The following SHISA6 variants were observed in gnomAD, a reference collection of about 807,000 sequenced individuals.
The protein encoded by SHISA6 is shisa family member 6.
Under a neutral mutation model 47.9 loss-of-function variants are expected in SHISA6, and 22 were observed. The observed-to-expected ratio is 0.46, with a 90% CI of 0.33 to 0.66. The LOEUF (loss-of-function observed/expected upper bound fraction) is 0.66. Ranked by LOEUF, SHISA6 falls within the 30% of genes least tolerant of loss-of-function variation. The pLI is 0.02. For missense variants in SHISA6, 680 were observed against 764.6 expected, an observed-to-expected ratio of 0.89 and a Z score of 1.30; for synonymous variants, 388 against 337.8, an observed-to-expected ratio of 1.15 and a Z score of -1.63.
intron 2 of SHISA6, among the ~76,000 whole-genome samples, chr17:11,276,183 G>T (rs559902143): frequency 4.7e-4 from 72 of 152,062 alleles, no homozygotes; most frequent in African/African-American, 1.5e-3. Flanking sequence ...TCACCATGTC[G>T]ACCAGGCTGG....
intron 2 of SHISA6, among the ~76,000 whole-genome samples, chr17:11,271,482 G>C (rs1216514274): frequency 6.6e-6 from 1 of 152,028 alleles, no homozygotes; most frequent in Non-Finnish European, 1.5e-5. Flanking sequence ...TTGTCACCCA[G>C]GCTGGAGTGC....
At position 11,430,089 on chromosome 17, in the gene SHISA6, C is replaced by A. The variant is rs563365132; in HGVS notation, c.895+50580C>A. On this transcript the variant is annotated intron_variant, in intron 3 of 5. Coordinates refer to ENST00000441885, the MANE Select transcript of SHISA6 (RefSeq NM_207386.4). ...CTTTTGAGATGAGGAAACTGAGGATCACAGACTTCAATAATTTGCTAAGTG... is the reference window on the plus strand; with the variant it reads ...CTTTTGAGATGAGGAAACTGAGGATAACAGACTTCAATAATTTGCTAAGTG... Among the ~76,000 whole-genome samples, 5 of 152,300 alleles carry A rather than the reference C, an allele frequency of 3.3e-5. No individual in the cohort carries two copies. In the South Asian group the frequency reaches 1.0e-3, roughly 32 times the overall value.
At chr17:11,455,601 G>A (rs993593534) in intron 3 of SHISA6, among the ~76,000 whole-genome samples, 1 of 152,068 alleles carries the variant, frequency 6.6e-6, no homozygotes, top group African/African-American at 2.4e-5. Flanking sequence ...CTCTTCACAA[G>A]AACAGAACAC....
intron 2 of SHISA6, chr17:11,289,833 T>C (rs1269626307): frequency 1.3e-5 from 2 of 152,122 alleles, no homozygotes; most frequent in Non-Finnish European, 2.9e-5. Flanking sequence ...CTCTCTCTTA[T>C]TTCTGACTGA....
intron 3 of SHISA6, among the ~76,000 whole-genome samples, chr17:11,525,299 T>C (rs1014806360): frequency 6.6e-6 from 1 of 152,060 alleles, no homozygotes; most frequent in African/African-American, 2.4e-5. Flanking sequence ...TGTACACTTA[T>C]TGGTACAAAG....
chr17:11,405,261 A>C (rs763333364), intron 3 of SHISA6, among the ~76,000 whole-genome samples: 24 of 152,240 alleles, frequency 1.6e-4, no homozygotes, highest in Admixed American at 4.6e-4. Context: ...GAAGATTTTG[A>C]TCCAGTAGGT....
At chr17:11,374,633 A>T (rs1256093680) in intron 2 of SHISA6, among the ~76,000 whole-genome samples, 1 of 151,964 alleles carries the variant, frequency 6.6e-6, no homozygotes, top group Non-Finnish European at 1.5e-5. Flanking sequence ...CATTATTTTC[A>T]GTGAATTTTT....
At chr17:11,289,197 T>C (rs1909432304) in intron 2 of SHISA6, 3 of 152,326 alleles carry the variant, frequency 2.0e-5, no homozygotes, top group South Asian at 2.1e-4. Context: ...TAATTACTTA[T>C]ATTTTTCTTT....
chr17:11,512,348 A>G (rs1003476812), intron 3 of SHISA6, among the ~76,000 whole-genome samples: 1 of 152,178 alleles, frequency 6.6e-6, no homozygotes, highest in Admixed American at 6.5e-5. Flanking sequence ...ACACTTATAG[A>G]CAAGTACACC....
At chr17:11,337,446 A>G (rs901191076) in intron 2 of SHISA6, among the ~76,000 whole-genome samples, 6 of 152,164 alleles carry the variant, frequency 3.9e-5, no homozygotes, top group Admixed American at 3.9e-4. Flanking sequence ...ACTCAGAGAC[A>G]CTGAGGCAGA....
intron 3 of SHISA6, among the ~76,000 whole-genome samples, chr17:11,394,756 C>T (rs954573182): frequency 6.6e-6 from 1 of 151,908 alleles, no homozygotes; most frequent in Non-Finnish European, 1.5e-5. Context: ...TTCCTGTATA[C>T]CCTTCGAATT....
chr17:11,303,863 G>A (rs1910012267), intron 2 of SHISA6, among the ~76,000 whole-genome samples: 1 of 152,204 alleles, frequency 6.6e-6, no homozygotes, highest in Non-Finnish European at 1.5e-5. Context: ...CCCTGCTTCT[G>A]TGTTTCCTCC....
intron 3 of SHISA6, among the ~76,000 whole-genome samples, chr17:11,507,926 C>A (rs971288304): frequency 2.6e-5 from 4 of 152,208 alleles, no homozygotes; most frequent in African/African-American, 7.2e-5. Context: ...ATGTCCCCTC[C>A]CACACACAGG....
chr17:11,336,029 T>C (rs1911307517), intron 2 of SHISA6, among the ~76,000 whole-genome samples: 1 of 139,864 alleles, frequency 7.1e-6, no homozygotes. Context: ...TGAAACCCCG[T>C]CTCTACTTAA....
rs1458489642 is a variant in SHISA6 at position 11,263,498 on chromosome 17, T to C, written c.771T>C (p.Thr257=). The change falls in exon 2 of 6, where the codon ACT becomes ACC. Residue 257 remains threonine (T), a synonymous_variant. Transcript: ENST00000441885. ...PVRSSSKNHY[T]PVRTAKQTPG... ...GATCGTCCTCCAAAAACCACTACAC[T>C]CCTGTGCGTACGGCCAAGCAGACTC... 6.4e-7 allele frequency: 1 copy of C among 1,551,508 alleles called. No homozygotes were observed. The highest frequency in any genetic ancestry group is 2.0e-5 in the Admixed American group (1 of 50,976).
At chr17:11,434,515 A>G (rs149423699) in intron 3 of SHISA6, among the ~76,000 whole-genome samples, 4 of 152,284 alleles carry the variant, frequency 2.6e-5, no homozygotes, top group East Asian at 1.9e-4. Flanking sequence ...CCTAAAATCA[A>G]TTACTTTTAC....
At chr17:11,359,063 A>G (rs1912176694) in intron 2 of SHISA6, among the ~76,000 whole-genome samples, 1 of 152,112 alleles carries the variant, frequency 6.6e-6, no homozygotes, top group Non-Finnish European at 1.5e-5. Flanking sequence ...TTTCTTCTCC[A>G]TTTTGGCTAT....
At chr17:11,475,388 A>T (rs1008534792) in intron 3 of SHISA6, among the ~76,000 whole-genome samples, 1 of 152,144 alleles carries the variant, frequency 6.6e-6, no homozygotes, top group African/African-American at 2.4e-5. Flanking sequence ...TAAGTTTCTT[A>T]TCATTGAATG....
chr17:11,329,954 A>G (rs925449392), intron 2 of SHISA6, among the ~76,000 whole-genome samples: 3 of 148,144 alleles, frequency 2.0e-5, no homozygotes, highest in Non-Finnish European at 4.5e-5. Flanking sequence ...CCTTAATTTC[A>G]TTCTTGGGAA....
Sources: gnomAD v4.1 joint callset for allele counts (sites outside exome capture counted in the v4.1 genomes callset) on GRCh38, gnomAD v4.1.1 for gene constraint, MANE v1.5 for transcripts, NCBI Gene and HGNC (gene_info 2026-07-23, HGNC 2026-07-21) for gene names.